Variants in ACIN1 observed in about 807,000 individuals in gnomAD.
The protein encoded by ACIN1 is apoptotic chromatin condensation inducer in the nucleus.
In ACIN1, 16 loss-of-function variants were observed where a neutral mutation model predicts 146.6. That is an observed-to-expected ratio of 0.11 (90% CI 0.07 to 0.17). The LOEUF (loss-of-function observed/expected upper bound fraction) is 0.17. ACIN1 is among the 10% of genes least tolerant of loss of function. The pLI, the probability that ACIN1 is intolerant of heterozygous loss-of-function variation, is 1.00. For synonymous variants in ACIN1, 569 were observed against 582.7 expected, an observed-to-expected ratio of 0.98 and a Z score of 0.34; for missense variants, 1,357 against 1,609.3, an observed-to-expected ratio of 0.84 and a Z score of 2.68.
Position 23,067,511 on chromosome 14 carries a change from G to GA in ACIN1, c.2266-1504dup. 2 of 221,732 alleles carry GA rather than the reference G, an allele frequency of 9.0e-6. No homozygotes were observed. The highest frequency in any genetic ancestry group is 7.3e-6 in the Non-Finnish European group (1 of 137,268). The allele number at this position is 221,732 out of a possible 1,614,324, so 13.7% of individuals were successfully genotyped here. A position where few individuals can be genotyped will look rare whatever the true frequency, so the allele number is the denominator to read the frequency against. On this transcript the variant is annotated intron_variant, in intron 9 of 18. Transcript: ENST00000605057. This position sits in a 1 kb window ranked among gnomAD's most constrained non-coding sequence, Gnocchi z 4.6. ...CCAGGGGCGCAGGGGGGGCGGGAGG[G>GA]AAACGTGTGGGGGGACGCTGCCCAG...
intron 8 of ACIN1, among the ~76,000 whole-genome samples, chr14:23,069,973 A>G (rs1396594759): frequency 6.6e-6 from 1 of 152,166 alleles, no homozygotes; most frequent in Non-Finnish European, 1.5e-5. Flanking sequence ...CACAAAAGTG[A>G]CTGTGATTTG....
Position 23,090,097 on chromosome 14 carries a change from A to G in ACIN1, c.321T>C (p.Ala107=), listed in dbSNP as rs191999948. 8.1e-6 allele frequency: 13 copies of G among 1,614,004 alleles called. No individual in the cohort carries two copies. In the East Asian group the frequency reaches 2.7e-4, roughly 33 times the overall value. The stretch of plus-strand genomic sequence containing the variant: ...TCATCTCGTCCTCCGACTCAGCTGA[A>G]GCTTCTGCAAAGTACAGATCGGGTC... ...EAREAAELEE[A]SAESEDEMIH... Residue 107 remains alanine, a synonymous_variant, in exon 4 of 19, where the codon GCT becomes GCC. Coordinates refer to ENST00000605057, the MANE Select transcript of ACIN1 (RefSeq NM_001386863.1).
chr14:23,071,274 C>T lies in ACIN1; in HGVS notation c.2124-1657G>A, dbSNP rs2047640042. 5 of 1,502,040 alleles carry T rather than the reference C, an allele frequency of 3.3e-6. No individual in the cohort carries two copies. In the South Asian group the frequency reaches 4.0e-5, roughly 12 times the overall value. The allele number at this position is 1,502,040 out of a possible 1,614,324, so 93.0% of individuals were successfully genotyped here. On this transcript the variant is annotated intron_variant, in intron 8 of 18. Transcript: ENST00000605057. ...ACCACACCTTCCTTGTTCCAAGATC[C>T]CACCACCTCCTCCCCAGCCACCCGA...
In ACIN1 at chr14:23,061,531, G is replaced by T. The variant is rs1157851991; in HGVS notation, c.3191C>A (p.Pro1064Gln). Residue 1064 changes from proline to glutamine, a missense_variant, in exon 17 of 19, where the codon CCA (proline) becomes CAA (glutamine). Pro to Gln is a moderately conservative substitution (Grantham distance 76, BLOSUM62 -1). Around this residue, in one of 4 missense-constraint regions of ACIN1, gnomAD observed 509 missense variants for 719.6 expected, o/e 0.71. Coordinates refer to ENST00000605057, the MANE Select transcript of ACIN1 (RefSeq NM_001386863.1). ...GTGCTGTGGTGGCTGGACCGGGGGTGGGGGTGGGGGGTGCAGGGGCCGTGG... is the reference window on the plus strand; with the variant it reads ...GTGCTGTGGTGGCTGGACCGGGGGTTGGGGTGGGGGGTGCAGGGGCCGTGG... The part of the protein sequence containing the change: ...GIPRPLHPPP[P>Q]PPVQPPQHPR... 6 of 1,601,528 alleles carry T rather than the reference G, an allele frequency of 3.7e-6. No homozygotes were observed. Among genetic ancestry groups the T allele is most frequent in the African/African-American group, 1.3e-5 (1 of 74,508 alleles).
rs1436244088 is a variant in ACIN1 at position 23,083,045 on chromosome 14, A to AG, written c.437-1210dup. Among the ~76,000 whole-genome samples the AG allele has an allele frequency of 7.7e-3, 1,152 of 150,068 alleles. 13 individuals carry two copies. The highest frequency in any genetic ancestry group is 0.027 in the African/African-American group (1,087 of 40,520). ...TGAGTCACCGCACCCGGACTAGGTG[A>AG]GATTTTTTTTTTTTTTAAGGAAAAA... On this transcript the variant is annotated intron_variant, in intron 4 of 18. Coordinates refer to ENST00000605057, the MANE Select transcript of ACIN1 (RefSeq NM_001386863.1).
chr14:23,090,412 CAG>C lies in ACIN1; in HGVS notation c.316+108_316+109del. On this transcript the variant is annotated intron_variant, in intron 3 of 18. Transcript: ENST00000605057. ...ATGGGCTATGAAAGCAAGTAAGTAG[CAG>C]TCTCAGCCTCACTTATTTCTGAAAT... The C allele has an allele frequency of 3.1e-6, 3 of 976,048 alleles. No homozygotes were observed. In the South Asian group the frequency reaches 4.9e-5, roughly 16 times the overall value. The allele number at this position is 976,048 out of a possible 1,614,324, so 60.5% of individuals were successfully genotyped here.
At chr14:23,070,888 C>T (rs186495945) in intron 8 of ACIN1, among the ~76,000 whole-genome samples, 24 of 152,138 alleles carry the variant, frequency 1.6e-4, no homozygotes, top group African/African-American at 4.6e-4. Context: ...CAGAGAAACA[C>T]GAGATTTAGC....
At chr14:23,059,746 C>G (rs192882789) in intron 18 of ACIN1, among the ~76,000 whole-genome samples, 1 of 151,590 alleles carries the variant, frequency 6.6e-6, no homozygotes, top group African/African-American at 2.4e-5. Context: ...CTCCACCTCC[C>G]GGGTTCACAC....
rs576997918 is a variant in ACIN1, at chr14:23,061,430, G to A, written c.3292C>T (p.Arg1098Trp). ...TCACGCTCTGATCGAGTCCGCTCCC[G>A]CCGCTCCATTTCCCGTTCCCGTTCT... ...WAEREREMERRERTRSEREWD... is the reference protein window; with the variant it reads ...WAEREREMERWERTRSEREWD... The change falls in exon 17 of 19, where the codon CGG (arginine) becomes TGG (tryptophan). Residue 1098 changes from arginine (R) to tryptophan (W), a missense_variant. Arg to Trp is a moderately radical substitution (Grantham distance 101, BLOSUM62 -3). Around this residue, in one of 4 missense-constraint regions of ACIN1, gnomAD observed 509 missense variants for 719.6 expected, o/e 0.71. Coordinates refer to ENST00000605057, the MANE Select transcript of ACIN1 (RefSeq NM_001386863.1). 1 of 1,613,060 alleles carries A rather than the reference G, an allele frequency of 6.2e-7. No individual in the cohort carries two copies. Among genetic ancestry groups the A allele is most frequent in the African/African-American group, 1.3e-5 (1 of 74,616 alleles).
Position 23,079,461 on chromosome 14 carries a change from A to C in ACIN1, c.1788+86T>G, listed in dbSNP as rs1398222924. 6 of 1,548,282 alleles carry C rather than the reference A, an allele frequency of 3.9e-6. No homozygotes were observed. The East Asian group carries it at 1.4e-4, about 35-fold the overall frequency. On this transcript the variant is annotated intron_variant, in intron 6 of 18. Transcript: ENST00000605057. ...GGAGGCTTTTCCTATTCCTTTCAGA[A>C]ATCATGACAGGCTCTCCAGGGGCTG... is the stretch of plus-strand genomic sequence containing the variant.
At position 23,068,653 on chromosome 14, in the gene ACIN1, G is replaced by A; in HGVS notation, c.2265+823C>T. The A allele has an allele frequency of 1.0e-6, 1 of 985,882 alleles. No homozygotes were observed. The highest frequency in any genetic ancestry group is 1.2e-6 in the Non-Finnish European group (1 of 829,974). The allele number at this position is 985,882 out of a possible 1,614,324, so 61.1% of individuals were successfully genotyped here. ...TGGGCAGGGTTATATTTTACGGGCG[G>A]ATTACCGTACATGAGGTACTTGGAC... On this transcript the variant is annotated intron_variant, in intron 9 of 18. Coordinates refer to ENST00000605057, the MANE Select transcript of ACIN1 (RefSeq NM_001386863.1). This position sits in a 1 kb window ranked among gnomAD's most constrained non-coding sequence, Gnocchi z 4.3.
In ACIN1 at chr14:23,080,375, T is replaced by C. The variant is rs147607488; in HGVS notation, c.960A>G (p.Gln320=). Residue 320 remains glutamine (Q), a synonymous_variant, in exon 6 of 19, where the codon CAA becomes CAG. Transcript: ENST00000605057. ...EEEEREIKSS[Q]GLKEKSKSPS... Reference sequence around the variant, plus strand: ...GAGACTTCGATTTTTCCTTTAAGCCTTGTGAAGATTTTATTTCTCTTTCTT... The same window carrying C: ...GAGACTTCGATTTTTCCTTTAAGCCCTGTGAAGATTTTATTTCTCTTTCTT... 6.4e-5 allele frequency: 104 copies of C among 1,614,212 alleles called. 2 individuals are homozygous for C. In the Admixed American group the frequency reaches 1.0e-3, roughly 16 times the overall value.
At position 23,079,854 on chromosome 14, in the gene ACIN1, A is replaced by C; in HGVS notation, c.1481T>G (p.Leu494Trp). The part of the protein sequence containing the change: ...ITEECLKQPS[L>W]EQKEGRRASH... ...AGCTCTTCTGCCTTCCTTCTGTTCC[A>C]AAGATGGCTGTTTCAGACATTCTTC... The change falls in exon 6 of 19, where the codon TTG becomes TGG. Residue 494 changes from leucine (L) to tryptophan (W), a missense_variant. Around this residue, in one of 4 missense-constraint regions of ACIN1, gnomAD observed 771 missense variants for 746.6 expected, o/e 1.03. Coordinates refer to ENST00000605057, the MANE Select transcript of ACIN1 (RefSeq NM_001386863.1). 1.2e-6 allele frequency: 2 copies of C among 1,614,236 alleles called. No homozygotes were observed. Among genetic ancestry groups the C allele is most frequent in the Admixed American group, 3.3e-5 (2 of 60,028 alleles).
chr14:23,090,411 G>A, intron 3 of ACIN1, 111 bp downstream of exon 3: 1 of 974,134 alleles, frequency 1.0e-6, no homozygotes. Context: ...CAAGTAAGTA[G>A]CAGTCTCAGC....
chr14:23,063,368 C>T (rs75499906), intron 13 of ACIN1, 68 bp downstream of exon 13: 139,631 of 1,545,692 alleles, frequency 0.09, 6,982 homozygotes, highest in South Asian at 0.15. Context: ...AAGCTTTCAG[C>T]GATCCAAATG....
Position 23,080,169 on chromosome 14 carries a change from G to A in ACIN1, c.1166C>T (p.Ala389Val), listed in dbSNP as rs749914558. 2 of 1,613,936 alleles carry A rather than the reference G, an allele frequency of 1.2e-6. No individual in the cohort carries two copies. Among genetic ancestry groups the A allele is most frequent in the East Asian group, 2.2e-5 (1 of 44,882 alleles). ...AGGAGGAGATAACTGAATGAGGACA[G>A]CGGGGGCTGGGCCTTCCATGGGCTC... is the stretch of plus-strand genomic sequence containing the variant. ...EIEPMEGPAP[A>V]VLIQLSPPNT... Residue 389 changes from alanine (A) to valine (V), a missense_variant, in exon 6 of 19, where the codon GCT (alanine) becomes GTT (valine). By Grantham distance (64) the Ala-to-Val change is moderately conservative (BLOSUM62 0). This residue lies in a region of ACIN1 where 771 missense variants were observed against 746.6 expected (regional missense o/e 1.03). Transcript: ENST00000605057.
At chr14:23,081,908 T>C in intron 4 of ACIN1, 72 bp from the exon 5 acceptor site, 1 of 1,261,320 alleles carries the variant, frequency 7.9e-7, no homozygotes, top group Non-Finnish European at 1.1e-6. Flanking sequence ...AAAATCAGGC[T>C]TTCTAATATC....
chr14:23,077,275 G>C (rs139958633), intron 8 of ACIN1, among the ~76,000 whole-genome samples: 1 of 152,316 alleles, frequency 6.6e-6, no homozygotes, highest in African/African-American at 2.4e-5. Flanking sequence ...GGTAGCATTA[G>C]TGTTAATATG....
At chr14:23,083,188 C>A (rs751887153) in intron 4 of ACIN1, among the ~76,000 whole-genome samples, 2 of 151,810 alleles carry the variant, frequency 1.3e-5, no homozygotes, top group Non-Finnish European at 1.5e-5. Flanking sequence ...CTGGGTAAAT[C>A]ACTTAAGTAA....
Sources: gnomAD v4.1 joint callset for allele counts (sites outside exome capture counted in the v4.1 genomes callset) on GRCh38, gnomAD v4.1.1 for gene constraint, gnomAD v4.1.1 regional missense constraint, Gnocchi (gnomAD v3.1) non-coding constraint, MANE v1.5 for transcripts, NCBI Gene and HGNC (gene_info 2026-07-23, HGNC 2026-07-21) for gene names.